The following GJD4 variants were observed in gnomAD, a reference collection of about 807,000 sequenced individuals.
GJD4 encodes gap junction protein delta 4.
In GJD4, 18 loss-of-function variants were observed where a neutral mutation model predicts 17.9. That is an observed-to-expected ratio of 1.00 (90% CI 0.69 to 1.49). GJD4 has a LOEUF of 1.49. Among genes scored for constraint, GJD4 ranks in the 40% most tolerant of loss-of-function variants. The probability of loss-of-function intolerance (pLI) is 0.00; values close to 1 mark genes in which losing one functional copy is unlikely to be tolerated. For missense variants in GJD4, 639 were observed against 506.9 expected (o/e 1.26, Z -2.50); for synonymous variants, 293 against 236.8 (o/e 1.24, Z -2.18).
intron 1 of GJD4, chr10:35,607,262 A>G (rs1835466710): frequency 3.1e-6 from 1 of 322,310 alleles, no homozygotes; most frequent in African/African-American, 2.4e-5. Context: ...CTCAGTAAAT[A>G]TTTGTCAAAT....
At position 35,607,907 on chromosome 10, in the gene GJD4, G is replaced by T. The variant is rs1352271305; in HGVS notation, c.394G>T (p.Gly132Cys). 2 of 1,596,638 alleles carry T rather than the reference G, an allele frequency of 1.3e-6. No homozygotes were observed. Among genetic ancestry groups the T allele is most frequent in the African/African-American group, 1.4e-5 (1 of 73,932 alleles). ...RRCPRPFGER[G>C]GLQVPDFSAG... ...CTGCCCGCGGCCATTCGGGGAGCGC[G>T]GCGGCCTCCAGGTGCCCGACTTTTC... Residue 132 changes from glycine to cysteine, a missense_variant, in exon 2 of 2, where the codon GGC (glycine) becomes TGC (cysteine). Physicochemically the swap from Gly to Cys is radical, Grantham distance 159. Coordinates refer to ENST00000321660, the MANE Select transcript of GJD4 (RefSeq NM_153368.3).
At position 35,605,599 on chromosome 10, in the gene GJD4, T is replaced by C. The variant is rs1564470294; in HGVS notation, c.32T>C (p.Ile11Thr). The C allele has an allele frequency of 6.2e-7, 1 of 1,614,082 alleles. No homozygotes were observed. Among genetic ancestry groups the C allele is most frequent in the Admixed American group, 1.7e-5 (1 of 60,026 alleles). The change falls in exon 1 of 2, where the codon ATC becomes ACC. Residue 11 changes from isoleucine (I) to threonine (T), a missense_variant. Ile to Thr is a moderately conservative substitution (Grantham distance 89). Coordinates refer to ENST00000321660, the MANE Select transcript of GJD4 (RefSeq NM_153368.3). MEGVDLLGFL[I>T]ITLNCNVTMV... is the part of the protein sequence containing the mutation. Reference sequence around the variant, plus strand: ...GGCGTGGACTTGCTAGGGTTTCTCATCATCACATTAAACTGCAACGTGACC... The same window carrying C: ...GGCGTGGACTTGCTAGGGTTTCTCACCATCACATTAAACTGCAACGTGACC...
In GJD4 at chr10:35,608,648, C is replaced by T. The variant is rs1465266725; in HGVS notation, c.*22C>T. Reference sequence around the variant, plus strand: ...GTGAAAAAAACAGCACCTGGCGGTGCCCCGGGGCTCACGCCTGTAATCCCA... The same window carrying T: ...GTGAAAAAAACAGCACCTGGCGGTGTCCCGGGGCTCACGCCTGTAATCCCA... On this transcript the variant is annotated 3_prime_UTR_variant, in exon 2 of 2. Transcript: ENST00000321660. 2 of 1,449,656 alleles carry T rather than the reference C, an allele frequency of 1.4e-6. No homozygotes were observed. The highest frequency in any genetic ancestry group is 2.9e-5 in the African/African-American group (2 of 69,418). The allele number at this position is 1,449,656 out of a possible 1,614,324, so 89.8% of individuals were successfully genotyped here.
chr10:35,607,868 T>C lies in GJD4; in HGVS notation c.355T>C (p.Ser119Pro), dbSNP rs983527286. ...RRCPDPREPA[S>P]GQRRCPRPFG... ...CTGCCCCGACCCCCGGGAGCCGGCC[T>C]CCGGGCAGAGACGCTGCCCGCGGCC... Residue 119 changes from serine to proline, a missense_variant, in exon 2 of 2, where the codon TCC becomes CCC. By Grantham distance (74) the Ser-to-Pro change is moderately conservative. Coordinates refer to ENST00000321660, the MANE Select transcript of GJD4 (RefSeq NM_153368.3). 2.5e-6 allele frequency: 4 copies of C among 1,597,552 alleles called. No individual in the cohort carries two copies. The African/African-American group carries it at 5.4e-5, about 21-fold the overall frequency.
At chr10:35,606,619 TTGAC>T (rs756304180) in intron 1 of GJD4, 1 of 152,318 alleles carries the variant, frequency 6.6e-6, no homozygotes, top group African/African-American at 2.4e-5. Flanking sequence ...TATTCTTTGT[TTGAC>T]TGTCTTTACA....
Position 35,608,058 on chromosome 10 carries a change from G to C in GJD4, c.545G>C (p.Gly182Ala). The change falls in exon 2 of 2, where the codon GGC (glycine) becomes GCC (alanine). Residue 182 changes from glycine (G) to alanine (A), a missense_variant. Coordinates refer to ENST00000321660, the MANE Select transcript of GJD4 (RefSeq NM_153368.3). ...CCTTGCACGCGCCCTCCGTGCACGG[G>C]CGTGGTGGACTGCTACGTGTCGCGG... ...KFPCTRPPCTGVVDCYVSRPT... is the reference protein window; with the variant it reads ...KFPCTRPPCTAVVDCYVSRPT... 1 of 1,610,244 alleles carries C rather than the reference G, an allele frequency of 6.2e-7. No homozygotes were observed. The highest frequency in any genetic ancestry group is 8.5e-7 in the Non-Finnish European group (1 of 1,178,552).
chr10:35,607,367 C>T, intron 1 of GJD4: 1 of 580,560 alleles, frequency 1.7e-6, no homozygotes, highest in South Asian at 2.1e-5. Context: ...GGCAGGAGCA[C>T]TTGAGGCCAG....
In GJD4 at chr10:35,607,820, C is replaced by T. The variant is rs780762161; in HGVS notation, c.307C>T (p.Leu103Phe). 5 of 1,600,810 alleles carry T rather than the reference C, an allele frequency of 3.1e-6. No homozygotes were observed. The Admixed American group carries it at 8.3e-5, about 27-fold the overall frequency. Reference sequence around the variant, plus strand: ...CTATGTCCTGCACCGAGGAGCCACGCTCGCCGCGCTGGGCCCCCGCCGCTG... The same window carrying T: ...CTATGTCCTGCACCGAGGAGCCACGTTCGCCGCGCTGGGCCCCCGCCGCTG... ...SVYVLHRGAT[L>F]AALGPRRCPD... Residue 103 changes from leucine (L) to phenylalanine (F), a missense_variant, in exon 2 of 2, where the codon CTC becomes TTC. Leu to Phe is a conservative substitution (Grantham distance 22). Coordinates refer to ENST00000321660, the MANE Select transcript of GJD4 (RefSeq NM_153368.3).
Position 35,608,448 on chromosome 10 carries a change from G to T in GJD4, c.935G>T (p.Gly312Val). 6 of 1,548,500 alleles carry T rather than the reference G, an allele frequency of 3.9e-6. No homozygotes were observed. In the South Asian group the frequency reaches 7.1e-5, roughly 18 times the overall value. Residue 312 changes from glycine to valine, a missense_variant, in exon 2 of 2, where the codon GGC (glycine) becomes GTC (valine). Transcript: ENST00000321660. Reference sequence around the variant, plus strand: ...GAAAAGCTGGGCAGACAGCCCCGGGGCAGGCCCCACCGAGAGGCCGCCCAG... The same window carrying T: ...GAAAAGCTGGGCAGACAGCCCCGGGTCAGGCCCCACCGAGAGGCCGCCCAG... Reference protein sequence around the residue: ...ASEKLGRQPRGRPHREAAQDP... With the variant: ...ASEKLGRQPRVRPHREAAQDP...
chr10:35,605,988 A>T (rs756738416), intron 1 of GJD4: 1 of 264,686 alleles, frequency 3.8e-6, no homozygotes, highest in Non-Finnish European at 7.0e-6. Flanking sequence ...GAAAAGGAAC[A>T]GAACAACAAA....
At chr10:35,607,473 T>C (rs1835469203) in intron 1 of GJD4, 105 bp from the exon 2 acceptor site, 2 of 728,262 alleles carry the variant, frequency 2.7e-6, no homozygotes, top group South Asian at 1.8e-5. Context: ...GACATGCTTA[T>C]TGACGTTTCA....
At position 35,608,242 on chromosome 10, in the gene GJD4, A is replaced by G; in HGVS notation, c.729A>G (p.Ser243=). 6.3e-7 allele frequency: 1 copy of G among 1,580,770 alleles called. No homozygotes were observed. Among genetic ancestry groups the G allele is most frequent in the Non-Finnish European group, 8.6e-7 (1 of 1,169,260 alleles). The change falls in exon 2 of 2, where the codon TCA becomes TCG. Residue 243 remains serine, a synonymous_variant. Transcript: ENST00000321660. ...CCATCCGGAAGCAGAGCGGAGCCTC[A>G]GGCCACGCGGAGGGACGCCGGACTG... ...SPSIRKQSGA[S]GHAEGRRTDE...
In GJD4 at chr10:35,608,506, C is replaced by T. The variant is rs1252739149; in HGVS notation, c.993C>T (p.Pro331=). The part of the protein sequence containing the change: ...DPRGSGSEEQ[P]SAAPSRLAAP... ...GGGGCTCAGGATCCGAGGAGCAGCC[C>T]TCAGCAGCCCCCAGCCGCCTGGCCG... The change falls in exon 2 of 2, where the codon CCC becomes CCT. Residue 331 remains proline (P), a synonymous_variant. Transcript: ENST00000321660. 5.8e-6 allele frequency: 9 copies of T among 1,550,888 alleles called. No homozygotes were observed. Among genetic ancestry groups the T allele is most frequent in the South Asian group, 1.2e-5 (1 of 84,196 alleles).
chr10:35,606,456 C>A (rs947337302), intron 1 of GJD4: 1 of 152,018 alleles, frequency 6.6e-6, no homozygotes, highest in South Asian at 2.1e-4. Flanking sequence ...TTAATGCAGA[C>A]GACTCACATT....
At position 35,608,418 on chromosome 10, in the gene GJD4, C is replaced by G. The variant is rs142184341; in HGVS notation, c.905C>G (p.Ala302Gly). The change falls in exon 2 of 2, where the codon GCC (alanine) becomes GGC (glycine). Residue 302 changes from alanine to glycine, a missense_variant. Coordinates refer to ENST00000321660, the MANE Select transcript of GJD4 (RefSeq NM_153368.3). ...GATGAGAGTGAGGTGACATCCTCCG[C>G]CAGCGAAAAGCTGGGCAGACAGCCC... ...DEDESEVTSS[A>G]SEKLGRQPRG... 1 of 1,549,460 alleles carries G rather than the reference C, an allele frequency of 6.5e-7. No homozygotes were observed. The highest frequency in any genetic ancestry group is 1.2e-5 in the South Asian group (1 of 84,054).
chr10:35,608,780 A>C lies in GJD4; in HGVS notation c.*154A>C. The C allele has an allele frequency of 1.8e-6, 1 of 558,378 alleles. No individual in the cohort carries two copies. Among genetic ancestry groups the C allele is most frequent in the Non-Finnish European group, 3.1e-6 (1 of 327,286 alleles). 34.6% of individuals were successfully genotyped at this position (558,378 alleles called of 1,614,324 possible). A position where few individuals can be genotyped will look rare whatever the true frequency, so the allele number is the denominator to read the frequency against. On this transcript the variant is annotated 3_prime_UTR_variant, in exon 2 of 2. Coordinates refer to ENST00000321660, the MANE Select transcript of GJD4 (RefSeq NM_153368.3). ...AATGAGACCCTCGTCTCTACAAAAT[A>C]TCTAAAAATTAGCTGGGCACAGTGG...
At position 35,608,934 on chromosome 10, in the gene GJD4, T is replaced by TC. The variant is rs1554805840; in HGVS notation, c.*309dup. ...GCCTGGGCAACACAGTGAGACCCTG[T>TC]CAAAAAAAAAAAAAAAAAAAAAAAG... On this transcript the variant is annotated 3_prime_UTR_variant, in exon 2 of 2. Transcript: ENST00000321660. 1.4e-5 allele frequency: 1 copy of TC among 69,172 alleles called. No homozygotes were observed. The highest frequency in any genetic ancestry group is 1.2e-4 in the African/African-American group (1 of 8,406). The allele number at this position is 69,172 out of a possible 1,614,324, so 4.3% of individuals were successfully genotyped here. A position where few individuals can be genotyped will look rare whatever the true frequency, so the allele number is the denominator to read the frequency against.
chr10:35,608,400 G>T lies in GJD4; in HGVS notation c.887G>T (p.Ser296Ile), dbSNP rs779584150. 1.9e-6 allele frequency: 3 copies of T among 1,550,374 alleles called. No individual in the cohort carries two copies. In the South Asian group the frequency reaches 3.6e-5, roughly 18 times the overall value. ...ACGAAGATTCCGGATGAGGATGAGA[G>T]TGAGGTGACATCCTCCGCCAGCGAA... The part of the protein sequence containing the change: ...GHTKIPDEDE[S>I]EVTSSASEKL... Residue 296 changes from serine (S) to isoleucine (I), a missense_variant, in exon 2 of 2, where the codon AGT becomes ATT. Physicochemically the swap from Ser to Ile is moderately radical, Grantham distance 142 (BLOSUM62 -2). Coordinates refer to ENST00000321660, the MANE Select transcript of GJD4 (RefSeq NM_153368.3).
Position 35,608,592 on chromosome 10 carries a change from C to A in GJD4, c.1079C>A (p.Pro360His). The change falls in exon 2 of 2, where the codon CCC (proline) becomes CAC (histidine). Residue 360 changes from proline to histidine, a missense_variant. Physicochemically the swap from Pro to His is moderately conservative, Grantham distance 77. Transcript: ENST00000321660. ...CCGCCTGCCAGCTCCAGTGGTGCTC[C>A]CCACCTGAGAGCCAGGAAGTCTGAG... Reference protein sequence around the residue: ...PDPPASSSGAPHLRARKSEWV With the variant: ...PDPPASSSGAHHLRARKSEWV The A allele has an allele frequency of 2.0e-6, 3 of 1,527,024 alleles. No individual in the cohort carries two copies. Among genetic ancestry groups the A allele is most frequent in the Non-Finnish European group, 2.6e-6 (3 of 1,141,106 alleles). The allele number at this position is 1,527,024 out of a possible 1,614,324, so 94.6% of individuals were successfully genotyped here.
Sources: allele counts gnomAD v4.1 joint callset, GRCh38; gene constraint gnomAD v4.1.1; transcripts MANE v1.5; gene names NCBI Gene and HGNC (gene_info 2026-07-23, HGNC 2026-07-21).